FBN2: variants seen among roughly 807,000 people sequenced by gnomAD.
The protein encoded by FBN2 is fibrillin 2, also known as fibrillin-2.
Under a neutral mutation model 355.6 loss-of-function variants are expected in FBN2, and 105 were observed. The ratio of observed to expected loss-of-function variants is 0.30; its 90% CI spans 0.25 to 0.35. FBN2 has a LOEUF of 0.35. Ranked by LOEUF, FBN2 falls within the 10% of genes least tolerant of loss-of-function variation. The pLI, the probability that FBN2 is intolerant of heterozygous loss-of-function variation, is 1.00. For missense variants in FBN2, 3,280 were observed against 3,758.7 expected (o/e 0.87, Z 3.33); for synonymous variants, 1,350 against 1,301.2 (o/e 1.04, Z -0.81).
intron 63 of FBN2, 40 bp downstream of exon 63, chr5:128,263,385 C>T (rs1426528644): frequency 6.8e-7 from 1 of 1,476,530 alleles, no homozygotes; most frequent in Non-Finnish European, 9.5e-7. Flanking sequence ...ACTCAGGAAC[C>T]ATGTATTCCT....
intron 48 of FBN2, 117 bp from the exon 49 acceptor site, chr5:128,291,771 T>A (rs1749330087): frequency 4.0e-6 from 4 of 1,003,270 alleles, no homozygotes; most frequent in Non-Finnish European, 6.3e-6. Flanking sequence ...ACGTTGTATG[T>A]TTAACTTATT....
chr5:128,335,386 T>C, intron 29 of FBN2, 69 bp downstream of exon 29: 1 of 1,611,210 alleles, frequency 6.2e-7, no homozygotes, highest in Non-Finnish European at 8.5e-7. Context: ...CACTTGGTAA[T>C]ATCTGGAGCC....
chr5:128,396,840 C>T (rs1752662618), intron 8 of FBN2, among the ~76,000 whole-genome samples: 1 of 152,156 alleles, frequency 6.6e-6, no homozygotes, highest in Non-Finnish European at 1.5e-5. Context: ...AGATGTACCA[C>T]AGCAATCAGG....
chr5:128,465,005 G>A (rs111331468), intron 5 of FBN2, 84 bp from the exon 6 acceptor site: 1 of 1,306,000 alleles, frequency 7.7e-7, no homozygotes, highest in African/African-American at 1.4e-5. Context: ...ATAAAACAGA[G>A]ACTATTTCTT....
At chr5:128,286,686 T>C (rs1749155147) in intron 55 of FBN2, 32 bp downstream of exon 55, 4 of 1,613,380 alleles carry the variant, frequency 2.5e-6, no homozygotes, top group Non-Finnish European at 3.4e-6. Context: ...GTGGAGGCAT[T>C]ACATAAGCAG....
intron 8 of FBN2, among the ~76,000 whole-genome samples, chr5:128,399,489 A>G (rs1345167679): frequency 2.0e-5 from 3 of 152,196 alleles, no homozygotes; most frequent in Non-Finnish European, 2.9e-5. Flanking sequence ...AGTTTTTTTG[A>G]TAAACAAAAT....
chr5:128,533,817 AAATT>A (rs771109381), intron 2 of FBN2, among the ~76,000 whole-genome samples: 1 of 152,322 alleles, frequency 6.6e-6, no homozygotes, highest in East Asian at 1.9e-4. Context: ...CACAATAAAT[AAATT>A]AATAAGCAAA....
intron 7 of FBN2, among the ~76,000 whole-genome samples, chr5:128,437,258 C>A (rs1581294228): frequency 6.6e-6 from 1 of 152,200 alleles, no homozygotes; most frequent in East Asian, 1.9e-4. Context: ...GGAAAGCTGA[C>A]AAACACGCTA....
chr5:128,317,323 G>A (rs1750229626), intron 36 of FBN2, among the ~76,000 whole-genome samples: 1 of 152,148 alleles, frequency 6.6e-6, no homozygotes, highest in African/African-American at 2.4e-5. Flanking sequence ...TTAGACAGAA[G>A]GCACTCAAAC....
chr5:128,460,083 A>G (rs1754517430), intron 6 of FBN2, among the ~76,000 whole-genome samples: 1 of 152,216 alleles, frequency 6.6e-6, no homozygotes, highest in South Asian at 2.1e-4. Context: ...TCAGCCCAAA[A>G]TCTCCTGAAG....
At chr5:128,492,645 A>T (rs1445086504) in intron 5 of FBN2, among the ~76,000 whole-genome samples, 1 of 152,080 alleles carries the variant, frequency 6.6e-6, no homozygotes, top group Non-Finnish European at 1.5e-5. Flanking sequence ...TCTACTAAAA[A>T]TACAAAAATT....
At chr5:128,326,947 G>A (rs2126884425) in intron 34 of FBN2, among the ~76,000 whole-genome samples, 1 of 152,272 alleles carries the variant, frequency 6.6e-6, no homozygotes, top group East Asian at 1.9e-4. Context: ...TACACAATTA[G>A]GAAGGAAAAA....
chr5:128,342,369 C>T (rs191225852), intron 25 of FBN2, among the ~76,000 whole-genome samples: 2 of 151,886 alleles, frequency 1.3e-5, no homozygotes, highest in Admixed American at 1.3e-4. Context: ...GTTTTAACAC[C>T]ACAAAGATGT....
chr5:128,357,460 C>T, intron 19 of FBN2, 65 bp from the exon 20 acceptor site: 6 of 1,592,332 alleles, frequency 3.8e-6, no homozygotes, highest in Non-Finnish European at 5.2e-6. Flanking sequence ...ATTATTCCAA[C>T]AAGCCATGCA....
chr5:128,280,454 T>C, intron 55 of FBN2, 137 bp from the exon 56 acceptor site: 1 of 674,534 alleles, frequency 1.5e-6, no homozygotes, highest in Non-Finnish European at 2.6e-6. Flanking sequence ...TGGTCATGTG[T>C]GAATATTAAT....
At chr5:128,440,363 C>T (rs1222807577) in intron 7 of FBN2, among the ~76,000 whole-genome samples, 1 of 152,022 alleles carries the variant, frequency 6.6e-6, no homozygotes, top group Non-Finnish European at 1.5e-5. Flanking sequence ...GTTCTGCAGG[C>T]AGTACAGGAA....
intron 6 of FBN2, among the ~76,000 whole-genome samples, chr5:128,453,469 C>T (rs910604056): frequency 6.6e-6 from 1 of 152,172 alleles, no homozygotes; most frequent in African/African-American, 2.4e-5. Context: ...CCACTCTGGC[C>T]TTCCTATAAC....
At chr5:128,318,063 C>A in intron 36 of FBN2, 86 bp downstream of exon 36, 1 of 1,404,738 alleles carries the variant, frequency 7.1e-7, no homozygotes, top group South Asian at 1.2e-5. Context: ...TTAACTGTAG[C>A]AAACACTCAT....
intron 5 of FBN2, among the ~76,000 whole-genome samples, chr5:128,503,261 A>G (rs1755864453): frequency 6.6e-6 from 1 of 152,150 alleles, no homozygotes; most frequent in Admixed American, 6.5e-5. Context: ...AGTCAACTAA[A>G]CCTTTTTCCT....
Sources: allele counts gnomAD v4.1 joint callset (sites outside exome capture counted in the v4.1 genomes callset), GRCh38; gene constraint gnomAD v4.1.1; transcripts MANE v1.5; gene names NCBI Gene and HGNC (gene_info 2026-07-23, HGNC 2026-07-21).